Variants in AFAP1 observed in about 807,000 individuals in gnomAD.
AFAP1 encodes the protein actin filament-associated protein 1.
Under a neutral mutation model 93.9 loss-of-function variants are expected in AFAP1, and 75 were observed. The ratio of observed to expected loss-of-function variants is 0.80; its 90% CI spans 0.66 to 0.97. The LOEUF (loss-of-function observed/expected upper bound fraction) is 0.97. AFAP1 is among the 50% of genes least tolerant of loss of function. The probability of loss-of-function intolerance (pLI) is 0.00; values close to 1 mark genes in which losing one functional copy is unlikely to be tolerated. For missense variants in AFAP1, 1,201 were observed against 1,050.8 expected, an observed-to-expected ratio of 1.14 and a Z score of -1.98; for synonymous variants, 517 against 430.7, an observed-to-expected ratio of 1.20 and a Z score of -2.48.
At chr4:7,781,071 C>T (rs1429329128) in intron 13 of AFAP1, among the ~76,000 whole-genome samples, 2 of 125,016 alleles carry the variant, frequency 1.6e-5, no homozygotes, top group South Asian at 3.2e-4. Context: ...TTTTATTACC[C>T]GTTTCTTTTT....
chr4:7,891,023 G>C (rs1306458249), intron 1 of AFAP1, among the ~76,000 whole-genome samples: 2 of 151,952 alleles, frequency 1.3e-5, no homozygotes, highest in African/African-American at 4.8e-5. Flanking sequence ...TAATAAGCAT[G>C]TGGATAAACA....
intron 4 of AFAP1, among the ~76,000 whole-genome samples, chr4:7,846,600 G>C (rs1015178582): frequency 1.3e-5 from 2 of 152,220 alleles, no homozygotes; most frequent in African/African-American, 4.8e-5. Context: ...TAATGAGTCA[G>C]TTAGTTATAA....
chr4:7,849,905 G>A (rs1714242113), intron 4 of AFAP1, among the ~76,000 whole-genome samples: 1 of 151,784 alleles, frequency 6.6e-6, no homozygotes, highest in African/African-American at 2.4e-5. Flanking sequence ...CTGCATCACA[G>A]ATTCTCCACT....
intron 1 of AFAP1, among the ~76,000 whole-genome samples, chr4:7,926,686 C>T (rs532613614): frequency 6.6e-6 from 1 of 152,180 alleles, no homozygotes; most frequent in Non-Finnish European, 1.5e-5. Context: ...CCTATGGCTG[C>T]TGTAGGGCCT....
At position 7,895,747 on chromosome 4, in the gene AFAP1, C is replaced by G. The variant is rs560544703; in HGVS notation, c.-2-23667G>C. Among the ~76,000 whole-genome samples the G allele has an allele frequency of 2.4e-3, 365 of 152,020 alleles. 1 individual carries two copies. The highest frequency in any genetic ancestry group is 6.7e-3 in the African/African-American group (276 of 41,400). On this transcript the variant is annotated intron_variant, in intron 1 of 17. Transcript: ENST00000420658. ...AACAATAGCTGCCATCCAAAAATAT[C>G]AGCGGTTTTAGGAATTAGCAGCTCA... is the stretch of plus-strand genomic sequence containing the variant.
At position 7,872,075 on chromosome 4, in the gene AFAP1, C is replaced by G; in HGVS notation, c.4G>C (p.Glu2Gln). 5 of 1,613,828 alleles carry G rather than the reference C, an allele frequency of 3.1e-6. No homozygotes were observed. Among genetic ancestry groups the G allele is most frequent in the Non-Finnish European group, 4.2e-6 (5 of 1,179,906 alleles). The change falls in exon 2 of 18, where the codon GAA (glutamate) becomes CAA (glutamine). Residue 2 changes from glutamate (E) to glutamine (Q), a missense_variant. Transcript: ENST00000420658. ...AGACGAAGTTCAACTATTAACTCTT[C>G]CATTGCTGACAACAAAAGAGGAAGA... The part of the protein sequence containing the change: M[E>Q]ELIVELRLFL...
intron 11 of AFAP1, 82 bp from the exon 12 acceptor site, chr4:7,786,393 T>C: frequency 8.5e-7 from 1 of 1,178,790 alleles, no homozygotes; most frequent in Non-Finnish European, 1.3e-6. Context: ...AGTTCTGACT[T>C]TATGCCCAAG....
rs532167609 is a variant in AFAP1, at chr4:7,799,438, G to A, written c.1266+1004C>T. Among the ~76,000 whole-genome samples, 41 of 152,246 alleles carry A rather than the reference G, an allele frequency of 2.7e-4. No individual in the cohort carries two copies. The South Asian group carries it at 6.2e-3, about 23-fold the overall frequency. ...TGACTGGGCAGCCGTGGCTTAGGTC[G>A]CAGCCCCAGGCACTCTCTCCTCTGC... On this transcript the variant is annotated intron_variant, in intron 10 of 17. Coordinates refer to ENST00000420658, the MANE Select transcript of AFAP1 (RefSeq NM_001134647.2).
In AFAP1 at chr4:7,758,716, G is replaced by C. The variant is rs1289602381; in HGVS notation, c.*5049C>G. On this transcript the variant is annotated 3_prime_UTR_variant, in exon 18 of 18. Transcript: ENST00000420658. The stretch of plus-strand genomic sequence containing the variant: ...AAGGGCAGTGAAGACACCGGGGCTG[G>C]GGGAGAGAAGTTTATTCATACACAA... 2 of 152,204 alleles carry C rather than the reference G, an allele frequency of 1.3e-5. No homozygotes were observed. The highest frequency in any genetic ancestry group is 2.9e-5 in the Non-Finnish European group (2 of 68,064). The allele number at this position is 152,204 out of a possible 1,614,324, so 9.4% of individuals were successfully genotyped here. A position where few individuals can be genotyped will look rare whatever the true frequency, so the allele number is the denominator to read the frequency against.
intron 1 of AFAP1, among the ~76,000 whole-genome samples, chr4:7,929,787 G>T (rs1720962770): frequency 6.6e-6 from 1 of 152,194 alleles, no homozygotes; most frequent in Non-Finnish European, 1.5e-5. Flanking sequence ...GGATGAGGAA[G>T]ATCAGCCAAG....
chr4:7,762,471 AGAATTCCTGACAGCAGCC>A lies in AFAP1; in HGVS notation c.*1276_*1293del, dbSNP rs1448686299. On this transcript the variant is annotated 3_prime_UTR_variant, in exon 18 of 18. Coordinates refer to ENST00000420658, the MANE Select transcript of AFAP1 (RefSeq NM_001134647.2). ...AAGTGACTGCATCTTCCCGTACTGG[AGAATTCCTGACAGCAGCC>A]TCCGGGAGACCAAGAAGTTAATCTG... 1 of 152,260 alleles carries A rather than the reference AGAATTCCTGACAGCAGCC, an allele frequency of 6.6e-6. No individual in the cohort carries two copies. The highest frequency in any genetic ancestry group is 1.5e-5 in the Non-Finnish European group (1 of 68,052). 9.4% of individuals were successfully genotyped at this position (152,260 alleles called of 1,614,324 possible). A position where few individuals can be genotyped will look rare whatever the true frequency, so the allele number is the denominator to read the frequency against.
At chr4:7,798,020 G>A (rs1156444239) in intron 10 of AFAP1, among the ~76,000 whole-genome samples, 1 of 152,176 alleles carries the variant, frequency 6.6e-6, no homozygotes, top group Non-Finnish European at 1.5e-5. Context: ...CGGTAACTCT[G>A]AAATTATCTC....
At chr4:7,850,955 T>A (rs1374863850) in intron 4 of AFAP1, among the ~76,000 whole-genome samples, 1 of 152,176 alleles carries the variant, frequency 6.6e-6, no homozygotes, top group East Asian at 1.9e-4. Flanking sequence ...AGCCAACCAC[T>A]GACTTCAACA....
At chr4:7,763,831 G>A in intron 17 of AFAP1, 40 bp from the exon 18 acceptor site, 2 of 1,550,480 alleles carry the variant, frequency 1.3e-6, no homozygotes, top group Non-Finnish European at 1.7e-6. Context: ...CAGGGCAAGA[G>A]GATCAGGCTG....
At chr4:7,887,821 A>G (rs903461182) in intron 1 of AFAP1, among the ~76,000 whole-genome samples, 2 of 139,962 alleles carry the variant, frequency 1.4e-5, no homozygotes, top group African/African-American at 2.5e-5. Flanking sequence ...TTTTTATTTC[A>G]TAAAGAACAA....
At chr4:7,821,185 CAG>C (rs1720943494) in intron 6 of AFAP1, among the ~76,000 whole-genome samples, 1 of 152,142 alleles carries the variant, frequency 6.6e-6, no homozygotes, top group Non-Finnish European at 1.5e-5. Context: ...TTTAATCTCT[CAG>C]AGCTTCAGTT....
chr4:7,837,343 G>A (rs1468491004), intron 6 of AFAP1, among the ~76,000 whole-genome samples: 1 of 152,108 alleles, frequency 6.6e-6, no homozygotes, highest in South Asian at 2.1e-4. Flanking sequence ...TAGGTCATGA[G>A]GGCAGAGCCC....
chr4:7,874,235 T>G (rs978844227), intron 1 of AFAP1, among the ~76,000 whole-genome samples: 23 of 152,216 alleles, frequency 1.5e-4, no homozygotes, highest in African/African-American at 5.3e-4. Context: ...CAACTAACAG[T>G]TAGGAAACCG....
intron 6 of AFAP1, among the ~76,000 whole-genome samples, chr4:7,834,092 T>TACACACAC (rs142790415): frequency 0.18 from 22,703 of 126,378 alleles, 2,063 homozygotes; most frequent in Non-Finnish European, 0.21. Context: ...AACTGTGGCA[T>TACACACAC]ACACACACAC....
Sources: gnomAD v4.1 joint callset for allele counts (sites outside exome capture counted in the v4.1 genomes callset) on GRCh38, gnomAD v4.1.1 for gene constraint, MANE v1.5 for transcripts, NCBI Gene and HGNC (gene_info 2026-07-23, HGNC 2026-07-21) for gene names.